Variants in TTLL6 observed in about 807,000 individuals in gnomAD.
The protein encoded by TTLL6 is tubulin polyglutamylase TTLL6.
A neutral mutation model predicts 96.4 loss-of-function variants in TTLL6; 75 were observed. The ratio of observed to expected loss-of-function variants is 0.78; its 90% confidence interval spans 0.65 to 0.94. The LOEUF (loss-of-function observed/expected upper bound fraction) is 0.94, where lower values mean the gene tolerates loss of function less well. Among genes scored for constraint, TTLL6 ranks in the 40% least tolerant of loss-of-function variants. TTLL6 has a pLI of 0.00. For missense variants in TTLL6, 1,030 were observed against 1,093.0 expected (o/e 0.94, Z 0.81); for synonymous variants, 411 against 419.4 (o/e 0.98, Z 0.24).
chr17:48,770,173 T>A, intron 13 of TTLL6, 76 bp from the exon 14 acceptor site: 2 of 1,500,674 alleles, frequency 1.3e-6, no homozygotes, highest in Non-Finnish European at 1.8e-6. Context: ...TTTTTATTTT[T>A]ATTTTTTGAG....
In TTLL6 at chr17:48,797,094, C is replaced by T. The variant is rs775880278; in HGVS notation, c.879G>A (p.Thr293=). Residue 293 remains threonine (T), a synonymous_variant, in exon 7 of 16, where the codon ACG becomes ACA. Coordinates refer to ENST00000393382, the MANE Select transcript of TTLL6 (RefSeq NM_001130918.3). ...CTGTGCAAGGGCGGGAGTAAGAGGT[C>T]GTCGCAAAGCGGGCCAGTCCTTCAT... ...VYNEGLARFA[T]TSYSRPCTDN... 2.7e-5 allele frequency: 42 copies of T among 1,551,098 alleles called. No homozygotes were observed. The highest frequency in any genetic ancestry group is 3.9e-5 in the Admixed American group (2 of 50,932).
intron 3 of TTLL6, 76 bp from the exon 4 acceptor site, chr17:48,801,719 G>A: frequency 1.6e-6 from 2 of 1,230,360 alleles, no homozygotes; most frequent in Non-Finnish European, 2.3e-6. Flanking sequence ...ATTACTAGGT[G>A]CTCCCAGACC....
intron 14 of TTLL6, 76 bp downstream of exon 14, chr17:48,769,652 C>T (rs1235018686): frequency 6.6e-7 from 1 of 1,526,136 alleles, no homozygotes; most frequent in East Asian, 2.3e-5. Context: ...GGGAGCTCCC[C>T]AAAGATTAGG....
intron 1 of TTLL6, among the ~76,000 whole-genome samples, chr17:48,814,641 G>T (rs549471987): frequency 2.0e-5 from 3 of 152,166 alleles, no homozygotes; most frequent in Non-Finnish European, 4.4e-5. Flanking sequence ...GGGTCCACTG[G>T]GACGGGTCCA....
intron 1 of TTLL6, among the ~76,000 whole-genome samples, chr17:48,811,747 G>A (rs1037991878): frequency 8.7e-5 from 13 of 149,024 alleles, no homozygotes; most frequent in African/African-American, 3.2e-4. Flanking sequence ...ACCCAGGCTG[G>A]AGTGCAATGG....
rs1221503741 is a variant in TTLL6 at position 48,817,111 on chromosome 17, C to A, written c.-39G>T. On this transcript the variant is annotated 5_prime_UTR_variant, in exon 1 of 16. In the 5' UTR this introduces an upstream ATG that the reference lacks. Transcript: ENST00000393382. ...GCCCCAACCCCAACCCGCGCTCGCC[C>A]TAACTTTGGGTCCGCCCGGCCCTCA... is the stretch of plus-strand genomic sequence containing the variant. 1 of 1,497,736 alleles carries A rather than the reference C, an allele frequency of 6.7e-7. No individual in the cohort carries two copies. The highest frequency in any genetic ancestry group is 9.0e-7 in the Non-Finnish European group (1 of 1,115,780). The allele number at this position is 1,497,736 out of a possible 1,614,324, so 92.8% of individuals were successfully genotyped here. A position where few individuals can be genotyped will look rare whatever the true frequency, so the allele number is the denominator to read the frequency against.
intron 14 of TTLL6, 41 bp downstream of exon 14, chr17:48,769,687 C>A: frequency 1.3e-6 from 2 of 1,592,688 alleles, no homozygotes. Context: ...TCCCTCTCCC[C>A]TTTAAGCTCC....
intron 13 of TTLL6, among the ~76,000 whole-genome samples, chr17:48,771,807 G>C (rs59351668): frequency 1.3e-5 from 2 of 152,146 alleles, no homozygotes; most frequent in East Asian, 3.9e-4. Flanking sequence ...AGGTGCAGTG[G>C]CTCACACCTG....
At chr17:48,776,344 C>T (rs1294500274) in intron 13 of TTLL6, among the ~76,000 whole-genome samples, 1 of 152,042 alleles carries the variant, frequency 6.6e-6, no homozygotes, top group East Asian at 1.9e-4. Flanking sequence ...GCCTGTAGTC[C>T]CAGCTACTCA....
Position 48,799,608 on chromosome 17 carries a change from G to C in TTLL6, c.764C>G (p.Ser255Ter). 1 of 1,551,758 alleles carries C rather than the reference G, an allele frequency of 6.4e-7. No individual in the cohort carries two copies. Among genetic ancestry groups the C allele is most frequent in the Non-Finnish European group, 8.7e-7 (1 of 1,146,968 alleles). ...ATAATCACAATGAGGAAGTACCTTT[G>C]AAATATACAGCTGACAGATCATATC... ...GEDMICQLYI[S>*]KPFIIDGFKF... The change falls in exon 6 of 16, where the codon TCA becomes TGA. Residue 255 changes from serine to a stop codon, truncating the protein, a stop_gained. Coordinates refer to ENST00000393382, the MANE Select transcript of TTLL6 (RefSeq NM_001130918.3). LOFTEE classifies it high-confidence loss of function.
At chr17:48,812,664 T>C (rs2039612891) in intron 1 of TTLL6, among the ~76,000 whole-genome samples, 1 of 152,174 alleles carries the variant, frequency 6.6e-6, no homozygotes, top group Non-Finnish European at 1.5e-5. Flanking sequence ...ACTGTGAACT[T>C]CCTGATGGAA....
At chr17:48,783,437 GT>G (rs55869780) in intron 13 of TTLL6, among the ~76,000 whole-genome samples, 134,235 of 145,810 alleles carry the variant, frequency 0.92, 61,863 homozygotes, top group Admixed American at 0.95. Context: ...AAAAAATATT[GT>G]TTTTTTTTTT....
chr17:48,816,266 G>GCC (rs199505276), intron 1 of TTLL6, among the ~76,000 whole-genome samples: 1 of 151,316 alleles, frequency 6.6e-6, no homozygotes, highest in South Asian at 2.1e-4. Context: ...AAAAAAGTGA[G>GCC]CCCCCCCACC....
rs2039140369 is a variant in TTLL6 at position 48,787,978 on chromosome 17, G to A, written c.1422C>T (p.Phe474=). 1 of 1,614,008 alleles carries A rather than the reference G, an allele frequency of 6.2e-7. No individual in the cohort carries two copies. ...REMRIEEAKG[F]RAVQLKKTET... Reference sequence around the variant, plus strand: ...CAGTTTTCTTTAACTGCACGGCCCGGAAACCCTTGGCTTCCTCAATCCTGT... The same window carrying A: ...CAGTTTTCTTTAACTGCACGGCCCGAAAACCCTTGGCTTCCTCAATCCTGT... The change falls in exon 11 of 16, where the codon TTC becomes TTT. Residue 474 remains phenylalanine, a synonymous_variant. Coordinates refer to ENST00000393382, the MANE Select transcript of TTLL6 (RefSeq NM_001130918.3).
chr17:48,801,695 G>A (rs2039418414), intron 3 of TTLL6, 52 bp from the exon 4 acceptor site: 1 of 1,455,868 alleles, frequency 6.9e-7, no homozygotes, highest in Non-Finnish European at 9.4e-7. Context: ...AGGAGTATGG[G>A]GTGGGGAGAT....
intron 13 of TTLL6, among the ~76,000 whole-genome samples, chr17:48,777,231 T>A (rs547103123): frequency 1.3e-5 from 2 of 152,320 alleles, no homozygotes; most frequent in African/African-American, 4.8e-5. Context: ...TCATCTAACA[T>A]ACTTAAAAAT....
At chr17:48,767,495 A>G (rs2038638923) in intron 15 of TTLL6, among the ~76,000 whole-genome samples, 1 of 152,116 alleles carries the variant, frequency 6.6e-6, no homozygotes, top group African/African-American at 2.4e-5. Context: ...TGGAATATGC[A>G]TTTTTACAGG....
chr17:48,808,028 C>T (rs1265809446), intron 1 of TTLL6, among the ~76,000 whole-genome samples: 1 of 151,686 alleles, frequency 6.6e-6, no homozygotes, highest in Non-Finnish European at 1.5e-5. Context: ...TGAGTAGAGT[C>T]GGGGTTTCAC....
intron 2 of TTLL6, 80 bp from the exon 3 acceptor site, chr17:48,804,008 G>A: frequency 4.0e-6 from 6 of 1,483,822 alleles, no homozygotes; most frequent in East Asian, 2.5e-5. Context: ...GAAACATCCT[G>A]TCCCAGGTGG....
Sources: gnomAD v4.1 joint callset for allele counts (sites outside exome capture counted in the v4.1 genomes callset) on GRCh38, gnomAD v4.1.1 for gene constraint, MANE v1.5 for transcripts, NCBI Gene and HGNC (gene_info 2026-07-23, HGNC 2026-07-21) for gene names.